Variants in SLC2A13 observed in about 807,000 individuals in gnomAD.
SLC2A13 encodes the protein proton myo-inositol cotransporter.
A neutral mutation model predicts 64.4 loss-of-function variants in SLC2A13; 32 were observed. The observed-to-expected ratio is 0.50, with a 90% confidence interval of 0.37 to 0.67. The LOEUF is 0.67. Among genes scored for constraint, SLC2A13 ranks in the 30% least tolerant of loss-of-function variants. The probability of loss-of-function intolerance (pLI) is 0.00; values close to 1 mark genes in which losing one functional copy is unlikely to be tolerated. For synonymous variants in SLC2A13, 338 were observed against 327.1 expected (o/e 1.03, Z -0.36); for missense variants, 743 against 829.2 (o/e 0.90, Z 1.28).
intron 2 of SLC2A13, among the ~76,000 whole-genome samples, chr12:40,038,402 C>A (rs1948024658): frequency 1.3e-5 from 2 of 151,756 alleles, no homozygotes; most frequent in Admixed American, 1.3e-4. Context: ...ATTTTATACC[C>A]CAGGATATGA....
At chr12:39,903,068 A>G (rs1945176877) in intron 4 of SLC2A13, among the ~76,000 whole-genome samples, 8 of 152,166 alleles carry the variant, frequency 5.3e-5, no homozygotes, top group Admixed American at 5.2e-4. Context: ...TTAAAAGGCC[A>G]TAGGAACATC....
At chr12:39,866,331 T>TACA (rs1943910419) in intron 5 of SLC2A13, among the ~76,000 whole-genome samples, 1 of 152,162 alleles carries the variant, frequency 6.6e-6, no homozygotes, top group Non-Finnish European at 1.5e-5. Flanking sequence ...TGACTGTAGT[T>TACA]TTTAGCTAGC....
At chr12:39,929,655 G>A (rs781208241) in intron 4 of SLC2A13, among the ~76,000 whole-genome samples, 1 of 152,176 alleles carries the variant, frequency 6.6e-6, no homozygotes, top group Non-Finnish European at 1.5e-5. Flanking sequence ...CAACCAGATG[G>A]GAGAGGCAGG....
At chr12:40,082,727 T>C (rs1421160755) in intron 1 of SLC2A13, among the ~76,000 whole-genome samples, 2 of 152,212 alleles carry the variant, frequency 1.3e-5, no homozygotes, top group African/African-American at 2.4e-5. Context: ...TGGGGATCCA[T>C]GCAAGCTGGA....
chr12:39,983,108 G>A (rs1044065298), intron 3 of SLC2A13, among the ~76,000 whole-genome samples: 8 of 151,662 alleles, frequency 5.3e-5, no homozygotes, highest in Non-Finnish European at 8.8e-5. Context: ...ATGGTGCTGG[G>A]AAAACTGGCT....
At chr12:39,968,364 C>T (rs914250428) in intron 3 of SLC2A13, among the ~76,000 whole-genome samples, 6 of 152,092 alleles carry the variant, frequency 3.9e-5, no homozygotes, top group African/African-American at 1.4e-4. Context: ...AATTACCTCC[C>T]ATCAGGTCCC....
rs141518385 is a variant in SLC2A13 at position 39,857,134 on chromosome 12, C to T, written c.1319+7628G>A. On this transcript the variant is annotated intron_variant, in intron 6 of 9. Coordinates refer to ENST00000280871, the MANE Select transcript of SLC2A13 (RefSeq NM_052885.4). Reference sequence around the variant, plus strand: ...TGGATTATCAGAGATACATGTTTTTCCCCCTTTATCTTGTTCTGTTATTTC... The same window carrying T: ...TGGATTATCAGAGATACATGTTTTTTCCCCTTTATCTTGTTCTGTTATTTC... 1.5e-3 allele frequency among the ~76,000 whole-genome samples: 231 copies of T among 152,258 alleles called. 2 individuals are homozygous for T. Among genetic ancestry groups the T allele is most frequent in the African/African-American group, 5.2e-3 (218 of 41,554 alleles).
intron 7 of SLC2A13, among the ~76,000 whole-genome samples, chr12:39,779,700 T>A (rs1412212330): frequency 2.0e-5 from 3 of 152,252 alleles, no homozygotes; most frequent in Non-Finnish European, 4.4e-5. Context: ...AAGAAATCTA[T>A]GTCTATTTAA....
chr12:40,069,734 A>G (rs1937880099), intron 1 of SLC2A13, among the ~76,000 whole-genome samples: 1 of 151,964 alleles, frequency 6.6e-6, no homozygotes, highest in Admixed American at 6.6e-5. Flanking sequence ...CAAATATCTC[A>G]TGTTTTAAAA....
chr12:40,053,709 T>A (rs1261465742), intron 1 of SLC2A13, among the ~76,000 whole-genome samples: 1 of 152,170 alleles, frequency 6.6e-6, no homozygotes, highest in Non-Finnish European at 1.5e-5. Context: ...AATTTGGGAC[T>A]AGGCAAGTTT....
In SLC2A13 at chr12:39,954,944, C is replaced by G. The variant is rs552984677; in HGVS notation, c.926-3579G>C. Among the ~76,000 whole-genome samples, 5 of 152,248 alleles carry G rather than the reference C, an allele frequency of 3.3e-5. No individual in the cohort carries two copies. In the South Asian group the frequency reaches 1.0e-3, roughly 32 times the overall value. ...ATATTTCATCACTCTCAGTAACCGACAGAACAAGTATCCTGAAATTCACCA... is the reference window on the plus strand; with the variant it reads ...ATATTTCATCACTCTCAGTAACCGAGAGAACAAGTATCCTGAAATTCACCA... On this transcript the variant is annotated intron_variant, in intron 3 of 9. Transcript: ENST00000280871.
chr12:39,767,714 G>A (rs568195762), intron 7 of SLC2A13, among the ~76,000 whole-genome samples: 13 of 152,182 alleles, frequency 8.5e-5, no homozygotes, highest in African/African-American at 2.9e-4. Context: ...TAGTCTCCAC[G>A]TTGTGGGAGA....
intron 1 of SLC2A13, among the ~76,000 whole-genome samples, chr12:40,069,497 T>C (rs1461390261): frequency 6.6e-6 from 1 of 152,158 alleles, no homozygotes; most frequent in Non-Finnish European, 1.5e-5. Flanking sequence ...TCCTGAACTA[T>C]GGTCTCCAGT....
chr12:39,856,618 C>A (rs556055369), intron 6 of SLC2A13, among the ~76,000 whole-genome samples: 1 of 152,170 alleles, frequency 6.6e-6, no homozygotes, highest in African/African-American at 2.4e-5. Context: ...TTGCCCACCT[C>A]GGCCTCCCAA....
At chr12:39,981,065 T>G (rs1453973354) in intron 3 of SLC2A13, among the ~76,000 whole-genome samples, 1 of 151,928 alleles carries the variant, frequency 6.6e-6, no homozygotes, top group African/African-American at 2.4e-5. Context: ...AGCCTGCTCC[T>G]GAATGACTAC....
At chr12:39,987,997 C>A (rs1947059164) in intron 3 of SLC2A13, among the ~76,000 whole-genome samples, 1 of 152,148 alleles carries the variant, frequency 6.6e-6, no homozygotes, top group Non-Finnish European at 1.5e-5. Context: ...ACTATTAATT[C>A]TTTGCCTTGG....
At chr12:40,096,367 T>C (rs1171825843) in intron 1 of SLC2A13, among the ~76,000 whole-genome samples, 1 of 152,142 alleles carries the variant, frequency 6.6e-6, no homozygotes, top group African/African-American at 2.4e-5. Flanking sequence ...GTCTATTCAG[T>C]ATAATTTGAG....
At chr12:40,061,867 A>C (rs1327287407) in intron 1 of SLC2A13, among the ~76,000 whole-genome samples, 1 of 152,094 alleles carries the variant, frequency 6.6e-6, no homozygotes. Context: ...ATGGGCCAAG[A>C]TTAGTCACTA....
At chr12:39,920,151 AATTAAGCTTTTCCAATATTC>A (rs1330306783) in intron 4 of SLC2A13, among the ~76,000 whole-genome samples, 1 of 152,052 alleles carries the variant, frequency 6.6e-6, no homozygotes, top group Non-Finnish European at 1.5e-5. Context: ...CCACAATTAA[AATTAAGCTTTTCCAATATTC>A]AGAGTATGTA....
Sources: gnomAD v4.1 joint callset for allele counts (sites outside exome capture counted in the v4.1 genomes callset) on GRCh38, gnomAD v4.1.1 for gene constraint, MANE v1.5 for transcripts, NCBI Gene and HGNC (gene_info 2026-07-23, HGNC 2026-07-21) for gene names.